The following FLRT3 variants were observed in gnomAD, a reference collection of about 807,000 sequenced individuals.
The protein encoded by FLRT3 is fibronectin leucine rich transmembrane protein 3.
Under a neutral mutation model 42.6 loss-of-function variants are expected in FLRT3, and 17 were observed. The observed-to-expected ratio is 0.40, with a 90% CI of 0.27 to 0.60. The LOEUF (loss-of-function observed/expected upper bound fraction) is 0.60. FLRT3 is among the 20% of genes least tolerant of loss of function. The pLI, the probability that FLRT3 is intolerant of heterozygous loss-of-function variation, is 0.44. For missense variants in FLRT3, 635 were observed against 789.2 expected, an observed-to-expected ratio of 0.80 and a Z score of 2.34; for synonymous variants, 279 against 286.4, an observed-to-expected ratio of 0.97 and a Z score of 0.26.
chr20:14,329,650 TAAA>T (rs1385717730), intron 1 of FLRT3, among the ~76,000 whole-genome samples: 1 of 152,066 alleles, frequency 6.6e-6, no homozygotes, highest in Non-Finnish European at 1.5e-5. Context: ...ATAAAATGTT[TAAA>T]AAGAAGAAAA....
At position 14,327,278 on chromosome 20, in the gene FLRT3, A is replaced by G; in HGVS notation, c.229T>C (p.Ser77Pro). The change falls in exon 3 of 3, where the codon TCA (serine) becomes CCA (proline). Residue 77 changes from serine to proline, a missense_variant. Transcript: ENST00000341420. ...NNQINNAGIP[S>P]DLKNLLKVER... ...ACTTTCAGCAAGTTTTTCAAATCTG[A>G]AGGAATCCCAGCATTATTTATTTGG... is the stretch of plus-strand genomic sequence containing the variant. 3 of 1,613,808 alleles carry G rather than the reference A, an allele frequency of 1.9e-6. No homozygotes were observed. Among genetic ancestry groups the G allele is most frequent in the Non-Finnish European group, 2.5e-6 (3 of 1,179,782 alleles).
chr20:14,325,465 T>C lies in FLRT3; in HGVS notation c.*92A>G, dbSNP rs2122568352. On this transcript the variant is annotated 3_prime_UTR_variant, in exon 3 of 3. Transcript: ENST00000341420. ...TACATTGCTTTTTTTCAGTCTCTTT[T>C]TCCAGTGTTTTGCAGTAGAACAGGG... The C allele has an allele frequency of 1.5e-6, 2 of 1,326,598 alleles. No homozygotes were observed. The highest frequency in any genetic ancestry group is 2.1e-6 in the Non-Finnish European group (2 of 966,304). 82.2% of individuals were successfully genotyped at this position (1,326,598 alleles called of 1,614,324 possible).
At chr20:14,332,389 T>A (rs1263140261) in intron 1 of FLRT3, among the ~76,000 whole-genome samples, 1 of 152,138 alleles carries the variant, frequency 6.6e-6, no homozygotes, top group Non-Finnish European at 1.5e-5. Flanking sequence ...TACATGTTTA[T>A]GTGATTTCTT....
chr20:14,328,952 T>G (rs531378635), intron 2 of FLRT3, 182 bp downstream of exon 2: 40 of 152,226 alleles, frequency 2.6e-4, no homozygotes, highest in African/African-American at 9.4e-4. Context: ...GAAATTCTTA[T>G]TGGCTCTTCT....
At chr20:14,333,965 G>A (rs1406885226) in intron 1 of FLRT3, among the ~76,000 whole-genome samples, 3 of 152,174 alleles carry the variant, frequency 2.0e-5, no homozygotes, top group African/African-American at 7.2e-5. Context: ...AAAGAATAAA[G>A]AACAAAAGCT....
rs922494567 is a variant in FLRT3 at position 14,330,439 on chromosome 20, A to G, written c.-246-1112T>C. On this transcript the variant is annotated intron_variant, in intron 1 of 2. Transcript: ENST00000341420. ...GCAATTTGCTTCTCCCACAGTTGCT[A>G]TCTAACATCCAACAAGTATAGCATC... Among the ~76,000 whole-genome samples, 3 of 152,060 alleles carry G rather than the reference A, an allele frequency of 2.0e-5. 1 individual carries two copies. The highest frequency in any genetic ancestry group is 4.2e-4 in the South Asian group (2 of 4,818).
chr20:14,333,764 A>G (rs2082885267), intron 1 of FLRT3, among the ~76,000 whole-genome samples: 1 of 152,188 alleles, frequency 6.6e-6, no homozygotes, highest in Non-Finnish European at 1.5e-5. Flanking sequence ...ACCACCTGAA[A>G]TCATAAAATA....
chr20:14,327,684 G>C (rs2082760273), intron 2 of FLRT3, 126 bp from the exon 3 acceptor site: 6 of 698,850 alleles, frequency 8.6e-6, no homozygotes, highest in Non-Finnish European at 1.3e-5. Context: ...TGTTTTGGGA[G>C]GGGGCATAAT....
Position 14,325,400 on chromosome 20 carries a change from T to C in FLRT3, c.*157A>G. On this transcript the variant is annotated 3_prime_UTR_variant, in exon 3 of 3. Transcript: ENST00000341420. ...GTAACCTGAAATTTGAAACTTTTAA[T>C]AAAAAGTTCTTAAATATAAATTATA... is the stretch of plus-strand genomic sequence containing the variant. The C allele has an allele frequency of 1.4e-6, 1 of 690,830 alleles. No homozygotes were observed. Among genetic ancestry groups the C allele is most frequent in the Admixed American group, 3.5e-5 (1 of 28,298 alleles). The allele number at this position is 690,830 out of a possible 1,614,324, so 42.8% of individuals were successfully genotyped here. A position where few individuals can be genotyped will look rare whatever the true frequency, so the allele number is the denominator to read the frequency against.
chr20:14,325,446 G>A lies in FLRT3; in HGVS notation c.*111C>T, dbSNP rs1434272845. The A allele has an allele frequency of 5.2e-6, 6 of 1,153,834 alleles. No individual in the cohort carries two copies. The highest frequency in any genetic ancestry group is 7.4e-6 in the Non-Finnish European group (6 of 813,194). 71.5% of individuals were successfully genotyped at this position (1,153,834 alleles called of 1,614,324 possible). On this transcript the variant is annotated 3_prime_UTR_variant, in exon 3 of 3. Transcript: ENST00000341420. ...TTATATGGCAAATGTACAGTACATT[G>A]CTTTTTTTCAGTCTCTTTTTCCAGT...
rs757745391 is a variant in FLRT3 at position 14,327,498 on chromosome 20, G to A, written c.9C>T (p.Ser3=). Residue 3 remains serine (S), a synonymous_variant, in exon 3 of 3, where the codon AGC becomes AGT. Transcript: ENST00000341420. MI[S]AAWSIFLIGT... The stretch of plus-strand genomic sequence containing the variant: ...CGATGAGGAAGATGCTCCAGGCTGC[G>A]CTGATCATGGTCAGCAGTGTTGAGG... 4.3e-6 allele frequency: 7 copies of A among 1,611,434 alleles called. No individual in the cohort carries two copies. The highest frequency in any genetic ancestry group is 1.1e-5 in the South Asian group (1 of 90,788).
At chr20:14,332,458 T>C (rs981938823) in intron 1 of FLRT3, among the ~76,000 whole-genome samples, 1 of 152,138 alleles carries the variant, frequency 6.6e-6, no homozygotes, top group Non-Finnish European at 1.5e-5. Context: ...TCTTATGTTT[T>C]GAGAATATTA....
At chr20:14,329,103 G>A (rs779561587) in intron 2 of FLRT3, 31 bp downstream of exon 2, 14 of 152,022 alleles carry the variant, frequency 9.2e-5, no homozygotes, top group Non-Finnish European at 1.8e-4. Context: ...TATAAACTTT[G>A]TACAGTAGCT....
chr20:14,332,015 A>C (rs1299300446), intron 1 of FLRT3, among the ~76,000 whole-genome samples: 1 of 152,136 alleles, frequency 6.6e-6, no homozygotes, highest in Admixed American at 6.6e-5. Context: ...TGGGAGGAAA[A>C]CATAAATGAA....
Position 14,323,401 on chromosome 20 carries a change from T to G in FLRT3, c.*2156A>C, listed in dbSNP as rs1267989288. The G allele has an allele frequency of 1.3e-5, 2 of 152,180 alleles. No individual in the cohort carries two copies. Among genetic ancestry groups the G allele is most frequent in the Non-Finnish European group, 1.5e-5 (1 of 68,028 alleles). 9.4% of individuals were successfully genotyped at this position (152,180 alleles called of 1,614,324 possible). A position where few individuals can be genotyped will look rare whatever the true frequency, so the allele number is the denominator to read the frequency against. Reference sequence around the variant, plus strand: ...GTGGGCACAGAGCTTCCATGCCCTCTCCAGGCATGCCATCCTGCAGGAACC... The same window carrying G: ...GTGGGCACAGAGCTTCCATGCCCTCGCCAGGCATGCCATCCTGCAGGAACC... On this transcript the variant is annotated 3_prime_UTR_variant, in exon 3 of 3. Transcript: ENST00000341420.
Position 14,325,368 on chromosome 20 carries a change from C to T in FLRT3, c.*189G>A, listed in dbSNP as rs1162400186. 7.8e-6 allele frequency: 4 copies of T among 510,864 alleles called. No homozygotes were observed. Among genetic ancestry groups the T allele is most frequent in the East Asian group, 6.4e-5 (2 of 31,482 alleles). 31.6% of individuals were successfully genotyped at this position (510,864 alleles called of 1,614,324 possible). The stretch of plus-strand genomic sequence containing the variant: ...GTTCAGGCATCTCCACTACATCAAT[C>T]GCAGCAGTAACCTGAAATTTGAAAC... On this transcript the variant is annotated 3_prime_UTR_variant, in exon 3 of 3. Coordinates refer to ENST00000341420, the MANE Select transcript of FLRT3 (RefSeq NM_198391.3).
At position 14,327,333 on chromosome 20, in the gene FLRT3, C is replaced by T. The variant is rs1444459152; in HGVS notation, c.174G>A (p.Glu58=). The change falls in exon 3 of 3, where the codon GAG becomes GAA. Residue 58 remains glutamate (E), a synonymous_variant. Coordinates refer to ENST00000341420, the MANE Select transcript of FLRT3 (RefSeq NM_198391.3). The part of the protein sequence containing the change: ...FLTSIPTGIP[E]DATTLYLQNN... ...TCTGAAGGTAGAGAGTTGTAGCATC[C>T]TCTGGTATTCCTGTTGGAATGGATG... The T allele has an allele frequency of 1.2e-6, 2 of 1,613,622 alleles. No individual in the cohort carries two copies. The highest frequency in any genetic ancestry group is 1.3e-5 in the African/African-American group (1 of 74,892).
intron 1 of FLRT3, among the ~76,000 whole-genome samples, chr20:14,332,433 T>C (rs970986181): frequency 2.6e-5 from 4 of 152,104 alleles, no homozygotes; most frequent in Non-Finnish European, 5.9e-5. Flanking sequence ...GGTGGGAGTG[T>C]TATGAGAAGG....
chr20:14,334,383 G>A (rs1371948853), intron 1 of FLRT3, among the ~76,000 whole-genome samples: 1 of 152,160 alleles, frequency 6.6e-6, no homozygotes, highest in Non-Finnish European at 1.5e-5. Flanking sequence ...TTTATTTGTT[G>A]ACTTTCAGTA....
Sources: gnomAD v4.1 joint callset for allele counts (sites outside exome capture counted in the v4.1 genomes callset) on GRCh38, gnomAD v4.1.1 for gene constraint, MANE v1.5 for transcripts, NCBI Gene and HGNC (gene_info 2026-07-23, HGNC 2026-07-21) for gene names.